Variants in SPPL3 observed in about 807,000 individuals in gnomAD.
SPPL3 encodes signal peptide peptidase like 3.
SPPL3 carries 5 observed loss-of-function variants against 42.4 expected under a neutral mutation model. The ratio of observed to expected loss-of-function variants is 0.12; its 90% CI spans 0.06 to 0.25. The LOEUF (loss-of-function observed/expected upper bound fraction) is 0.25, where lower values mean the gene tolerates loss of function less well. Among genes scored for constraint, SPPL3 ranks in the 10% least tolerant of loss-of-function variants. SPPL3 has a pLI of 1.00. For synonymous variants in SPPL3, 195 were observed against 181.8 expected, an observed-to-expected ratio of 1.07 and a Z score of -0.58; for missense variants, 235 against 489.0, an observed-to-expected ratio of 0.48 and a Z score of 4.90.
Position 120,896,413 on chromosome 12 carries a change from C to T in SPPL3, c.23+7432G>A, listed in dbSNP as rs905815835. 4.6e-5 allele frequency among the ~76,000 whole-genome samples: 7 copies of T among 152,216 alleles called. No individual in the cohort carries two copies. In the East Asian group the frequency reaches 5.8e-4, roughly 13 times the overall value. ...TTAGAGCCCCTCTGAGCACCTCAGA[C>T]GTTAAAATTCCAGAAGACAAGTATT... On this transcript the variant is annotated intron_variant, in intron 1 of 10. Transcript: ENST00000353487.
intron 1 of SPPL3, among the ~76,000 whole-genome samples, chr12:120,871,144 A>AAAAAGAAAG (rs1555253612): frequency 1.4e-5 from 2 of 142,124 alleles, no homozygotes; most frequent in Admixed American, 6.9e-5. Flanking sequence ...AAAAAAAAAA[A>AAAAAGAAAG]AAAAAGAAAA....
intron 1 of SPPL3, among the ~76,000 whole-genome samples, chr12:120,850,492 T>TAAA (rs11413210): frequency 4.1e-4 from 49 of 119,380 alleles, no homozygotes; most frequent in East Asian, 1.2e-3. Flanking sequence ...GACCAGCCTT[T>TAAA]AAAAAAAAAA....
chr12:120,783,894 C>CA (rs968372305), intron 4 of SPPL3, 142 bp from the exon 5 acceptor site: 8 of 603,800 alleles, frequency 1.3e-5, no homozygotes, highest in Admixed American at 3.2e-5. Context: ...TAATACTGCA[C>CA]AAAAAATCTC....
chr12:120,837,507 T>C (rs916603655), intron 1 of SPPL3, among the ~76,000 whole-genome samples: 1 of 152,240 alleles, frequency 6.6e-6, no homozygotes, highest in African/African-American at 2.4e-5. Context: ...GGTATTTAGC[T>C]GCATTTGAAG....
intron 1 of SPPL3, among the ~76,000 whole-genome samples, chr12:120,857,185 C>T (rs1210503271): frequency 6.6e-6 from 1 of 152,198 alleles, no homozygotes; most frequent in African/African-American, 2.4e-5. Context: ...AAAGAGGGAG[C>T]TCTAGAGCCA....
chr12:120,774,835 ACT>A (rs1869254015), intron 6 of SPPL3, among the ~76,000 whole-genome samples: 1 of 151,718 alleles, frequency 6.6e-6, no homozygotes, highest in African/African-American at 2.4e-5. Flanking sequence ...CACTCCTGAG[ACT>A]CTCTCTTATA....
At chr12:120,776,513 G>A (rs764277699) in intron 6 of SPPL3, among the ~76,000 whole-genome samples, 19 of 151,686 alleles carry the variant, frequency 1.3e-4, no homozygotes, top group Non-Finnish European at 2.2e-4. Flanking sequence ...AAATTCTCCC[G>A]ACTTGCTCTA....
At chr12:120,859,241 T>C (rs1872555802) in intron 1 of SPPL3, among the ~76,000 whole-genome samples, 1 of 152,116 alleles carries the variant, frequency 6.6e-6, no homozygotes, top group African/African-American at 2.4e-5. Context: ...AATCCAAAAA[T>C]CCAAAATCCA....
intron 1 of SPPL3, among the ~76,000 whole-genome samples, chr12:120,823,856 T>C (rs1375912476): frequency 1.3e-5 from 2 of 150,810 alleles, no homozygotes; most frequent in African/African-American, 4.8e-5. Flanking sequence ...TTTTATATAA[T>C]TCACTCTATC....
chr12:120,807,340 T>A (rs888724903), intron 2 of SPPL3, among the ~76,000 whole-genome samples: 1 of 152,018 alleles, frequency 6.6e-6, no homozygotes, highest in African/African-American at 2.4e-5. Flanking sequence ...TTATGTTATA[T>A]ATATTTTACC....
At position 120,808,539 on chromosome 12, in the gene SPPL3, C is replaced by T. The variant is rs138557514; in HGVS notation, c.101+2270G>A. ...CAGTAATATGTAGTAAGAGCCATTT[C>T]ATACTCTCTGTCGAAGTATTTCCAC... On this transcript the variant is annotated intron_variant, in intron 2 of 10. Transcript: ENST00000353487. Among the ~76,000 whole-genome samples, 224 of 152,302 alleles carry T rather than the reference C, an allele frequency of 1.5e-3. 2 individuals carry two copies. In the South Asian group the frequency reaches 0.015, roughly 10 times the overall value.
intron 3 of SPPL3, among the ~76,000 whole-genome samples, chr12:120,789,451 C>CAAAAAAAAAAAAAA (rs60082359): frequency 2.1e-5 from 2 of 96,196 alleles, no homozygotes; most frequent in Non-Finnish European, 4.0e-5. Context: ...GACTCTGTCT[C>CAAAAAAAAAAAAAA]AAAAAAAAAA....
chr12:120,869,263 C>T lies in SPPL3; in HGVS notation c.23+34582G>A, dbSNP rs1396120415. 2.0e-5 allele frequency among the ~76,000 whole-genome samples: 3 copies of T among 152,184 alleles called. No homozygotes were observed. The East Asian group carries it at 5.8e-4, about 29-fold the overall frequency. On this transcript the variant is annotated intron_variant, in intron 1 of 10. Coordinates refer to ENST00000353487, the MANE Select transcript of SPPL3 (RefSeq NM_139015.5). ...ATGAGGAGTACTGCTGTAGGTGATG[C>T]ATTCTACCAAAATGGCAAACTCTTG...
intron 1 of SPPL3, among the ~76,000 whole-genome samples, chr12:120,842,923 C>G (rs1159605353): frequency 6.6e-6 from 1 of 152,082 alleles, no homozygotes; most frequent in Non-Finnish European, 1.5e-5. Flanking sequence ...TGCAGAAGGA[C>G]CTGCTGATTA....
intron 1 of SPPL3, among the ~76,000 whole-genome samples, chr12:120,842,936 G>T (rs1478365040): frequency 6.6e-6 from 1 of 152,152 alleles, no homozygotes; most frequent in Non-Finnish European, 1.5e-5. Context: ...GCTGATTAGT[G>T]ACTTAGAAAC....
chr12:120,821,232 C>T (rs1309240085), intron 1 of SPPL3, among the ~76,000 whole-genome samples: 3 of 152,118 alleles, frequency 2.0e-5, no homozygotes, highest in Non-Finnish European at 4.4e-5. Flanking sequence ...GAAAGAAGAC[C>T]CCACATTAAA....
chr12:120,805,017 G>C (rs1199370043), intron 2 of SPPL3, among the ~76,000 whole-genome samples: 2 of 152,164 alleles, frequency 1.3e-5, no homozygotes, highest in Non-Finnish European at 2.9e-5. Flanking sequence ...GAGAGGTCCA[G>C]AATAGGCAAA....
chr12:120,845,571 G>T, intron 1 of SPPL3: 1 of 478,070 alleles, frequency 2.1e-6, no homozygotes, highest in Non-Finnish European at 4.0e-6. Context: ...GGTCTTCCCT[G>T]CAGCATCCAG....
chr12:120,830,033 G>A (rs811005), intron 1 of SPPL3, among the ~76,000 whole-genome samples: 142,614 of 148,106 alleles, frequency 0.96, 68,920 homozygotes, highest in East Asian at 1. Context: ...CACTGTTCAC[G>A]AACTACACCT....
Sources: gnomAD v4.1 joint callset for allele counts (sites outside exome capture counted in the v4.1 genomes callset) on GRCh38, gnomAD v4.1.1 for gene constraint, MANE v1.5 for transcripts, NCBI Gene and HGNC (gene_info 2026-07-23, HGNC 2026-07-21) for gene names.